Variants in FOXP1 observed in about 807,000 individuals in gnomAD.
FOXP1 encodes forkhead box P1.
FOXP1 carries 15 observed loss-of-function variants against 98.2 expected under a neutral mutation model. The observed-to-expected ratio is 0.15, with a 90% CI of 0.10 to 0.24. The LOEUF (loss-of-function observed/expected upper bound fraction) is 0.24, where lower values mean the gene tolerates loss of function less well. FOXP1 is among the 10% of genes least tolerant of loss of function. The pLI, the probability that FOXP1 is intolerant of heterozygous loss-of-function variation, is 1.00. For synonymous variants in FOXP1, 371 were observed against 314.5 expected (o/e 1.18, Z -1.90); for missense variants, 633 against 848.5 (o/e 0.75, Z 3.15).
At chr3:71,019,468 C>G (rs1047450457) in intron 11 of FOXP1, among the ~76,000 whole-genome samples, 1 of 152,176 alleles carries the variant, frequency 6.6e-6, no homozygotes, top group African/African-American at 2.4e-5. Flanking sequence ...ACCACAAACT[C>G]CCAGGTTGAA....
At chr3:71,570,120 G>A (rs1397506323) in intron 2 of FOXP1, 1 of 152,160 alleles carries the variant, frequency 6.6e-6, no homozygotes, top group African/African-American at 2.4e-5. Context: ...GCTCTGACAA[G>A]TCCCTACCTG....
At chr3:71,196,239 T>A (rs1477555092) in intron 6 of FOXP1, among the ~76,000 whole-genome samples, 1 of 152,218 alleles carries the variant, frequency 6.6e-6, no homozygotes, top group Admixed American at 6.5e-5. Flanking sequence ...AACAACAAAT[T>A]TTCCAAAGTG....
chr3:71,575,081 A>G (rs1224689147), intron 2 of FOXP1, among the ~76,000 whole-genome samples: 1 of 152,206 alleles, frequency 6.6e-6, no homozygotes, highest in Non-Finnish European at 1.5e-5. Flanking sequence ...AAAAACACAG[A>G]TGCTGGCCCC....
intron 6 of FOXP1, among the ~76,000 whole-genome samples, chr3:71,144,016 G>C (rs984240154): frequency 9.2e-5 from 14 of 151,690 alleles, no homozygotes; most frequent in African/African-American, 3.2e-4. Flanking sequence ...CATGATTTTT[G>C]CCACATAATT....
At chr3:71,143,681 C>T (rs1278633358) in intron 6 of FOXP1, among the ~76,000 whole-genome samples, 3 of 152,100 alleles carry the variant, frequency 2.0e-5, no homozygotes, top group African/African-American at 7.2e-5. Flanking sequence ...ATCGCTTGAG[C>T]CCAGGAGTTA....
chr3:71,112,178 G>C (rs1207464039), intron 7 of FOXP1, among the ~76,000 whole-genome samples: 1 of 152,178 alleles, frequency 6.6e-6, no homozygotes, highest in African/African-American at 2.4e-5. Context: ...AAAGTAAGGT[G>C]TGTGTCTGTG....
intron 4 of FOXP1, among the ~76,000 whole-genome samples, chr3:71,317,273 C>T (rs1255230745): frequency 6.6e-6 from 1 of 152,158 alleles, no homozygotes; most frequent in Non-Finnish European, 1.5e-5. Context: ...TCTATGCCAC[C>T]ATTACTCAAA....
chr3:71,354,054 C>G (rs1203521762), intron 4 of FOXP1, among the ~76,000 whole-genome samples: 1 of 151,728 alleles, frequency 6.6e-6, no homozygotes, highest in Non-Finnish European at 1.5e-5. Flanking sequence ...CGCCTGTAAT[C>G]CCAGCACTTT....
chr3:71,093,423 T>C (rs1033953575), intron 7 of FOXP1, among the ~76,000 whole-genome samples: 10 of 148,258 alleles, frequency 6.7e-5, no homozygotes, highest in Non-Finnish European at 1.4e-4. Context: ...ATTTATTTAA[T>C]GTAAATACAA....
chr3:71,563,752 G>C (rs2046710680), intron 2 of FOXP1, among the ~76,000 whole-genome samples: 1 of 152,166 alleles, frequency 6.6e-6, no homozygotes, highest in Non-Finnish European at 1.5e-5. Flanking sequence ...TTGCACCCAA[G>C]GTGGAACGTC....
At chr3:71,077,835 T>C (rs2053964989) in intron 7 of FOXP1, among the ~76,000 whole-genome samples, 1 of 101,042 alleles carries the variant, frequency 9.9e-6, no homozygotes, top group Non-Finnish European at 2.7e-5. Flanking sequence ...CCTGTGCATA[T>C]ATTTTTTTTT....
At chr3:71,326,584 G>A (rs923447816) in intron 4 of FOXP1, among the ~76,000 whole-genome samples, 2 of 151,780 alleles carry the variant, frequency 1.3e-5, no homozygotes, top group East Asian at 3.9e-4. Flanking sequence ...AAGGAAGGGA[G>A]AGTTTGGAGC....
intron 4 of FOXP1, among the ~76,000 whole-genome samples, chr3:71,309,962 T>C (rs755608603): frequency 5.7e-4 from 87 of 152,204 alleles, no homozygotes; most frequent in Non-Finnish European, 1.0e-3. Context: ...CTTTTACTTT[T>C]GGGGGGCACT....
intron 5 of FOXP1, among the ~76,000 whole-genome samples, chr3:71,250,957 T>A (rs2068140606): frequency 6.6e-6 from 1 of 151,978 alleles, no homozygotes. Context: ...GAAAAAAAAA[T>A]GTTTTTGGTA....
intron 3 of FOXP1, among the ~76,000 whole-genome samples, chr3:71,461,345 G>A (rs1249550312): frequency 6.6e-6 from 1 of 152,102 alleles, no homozygotes; most frequent in East Asian, 1.9e-4. Context: ...AACACAGATC[G>A]ACGAATTACC....
intron 13 of FOXP1, among the ~76,000 whole-genome samples, chr3:70,992,209 T>G (rs1373470269): frequency 6.6e-6 from 1 of 152,144 alleles, no homozygotes; most frequent in Non-Finnish European, 1.5e-5. Context: ...TTTAATCAAG[T>G]TAAGTGAGAG....
chr3:71,010,308 C>T (rs1251473720), intron 12 of FOXP1, among the ~76,000 whole-genome samples: 1 of 152,152 alleles, frequency 6.6e-6, no homozygotes, highest in Non-Finnish European at 1.5e-5. Context: ...TGAAGCCAGA[C>T]TGCCTGGGTT....
chr3:71,380,765 T>C (rs2080095641), intron 3 of FOXP1, among the ~76,000 whole-genome samples: 1 of 147,618 alleles, frequency 6.8e-6, no homozygotes, highest in Non-Finnish European at 1.5e-5. Flanking sequence ...TTACTCTTAC[T>C]GAATATGCAT....
chr3:71,572,078 C>T (rs1390354261), intron 2 of FOXP1: 6 of 152,114 alleles, frequency 3.9e-5, no homozygotes, highest in East Asian at 1.9e-4. Flanking sequence ...AAGTATAAAG[C>T]GCCTGTTAAT....
Sources: allele counts gnomAD v4.1 joint callset (sites outside exome capture counted in the v4.1 genomes callset), GRCh38; gene constraint gnomAD v4.1.1; transcripts MANE v1.5; gene names NCBI Gene and HGNC (gene_info 2026-07-23, HGNC 2026-07-21).